TRAK1: variants seen among roughly 807,000 people sequenced by gnomAD.
The protein encoded by TRAK1 is trafficking kinesin-binding protein 1.
A neutral mutation model predicts 92.1 loss-of-function variants in TRAK1; 33 were observed. The observed-to-expected ratio is 0.36, with a 90% CI of 0.27 to 0.48. The LOEUF is 0.48. Ranked by LOEUF, TRAK1 falls within the 20% of genes least tolerant of loss-of-function variation. TRAK1 has a pLI of 0.99. For synonymous variants in TRAK1, 521 were observed against 517.3 expected, an observed-to-expected ratio of 1.01 and a Z score of -0.10; for missense variants, 1,123 against 1,257.9, an observed-to-expected ratio of 0.89 and a Z score of 1.62.
At chr3:42,160,465 T>C in intron 2 of TRAK1, 1 of 1,614,078 alleles carries the variant, frequency 6.2e-7, no homozygotes, top group Non-Finnish European at 8.5e-7. Context: ...CAGGACCTCT[T>C]GGAAGAGGGT....
rs182539988 is a variant in TRAK1, at chr3:42,081,532, T to G, written c.-518-5572T>G. On this transcript the variant is annotated intron_variant, in intron 1 of 16. Coordinates refer to the TRAK1 transcript ENST00000487159. ...TGCTTTCAAGGAGCACACAATTTTTTGGGGGAGATCAGCCCTGGACAAATG... is the reference window on the plus strand; with the variant it reads ...TGCTTTCAAGGAGCACACAATTTTTGGGGGGAGATCAGCCCTGGACAAATG... 1.9e-3 allele frequency among the ~76,000 whole-genome samples: 293 copies of G among 152,278 alleles called. 3 individuals carry two copies. The highest frequency in any genetic ancestry group is 0.011 in the South Asian group (53 of 4,822).
At position 42,202,868 on chromosome 3, in the gene TRAK1, C is replaced by A; in HGVS notation, c.1744+116C>A. On this transcript the variant is annotated intron_variant, in intron 13 of 15. Transcript: ENST00000327628. The surrounding 1 kb of genome is among the most constrained non-coding windows in gnomAD (Gnocchi z 6.1). Reference sequence around the variant, plus strand: ...ACGCCTACTCCTTTTTCTTCCGCGACAGCCACCCGCGCTGCTGGTTTGAGT... The same window carrying A: ...ACGCCTACTCCTTTTTCTTCCGCGAAAGCCACCCGCGCTGCTGGTTTGAGT... 1 of 1,482,688 alleles carries A rather than the reference C, an allele frequency of 6.7e-7. No individual in the cohort carries two copies. Among genetic ancestry groups the A allele is most frequent in the Non-Finnish European group, 9.0e-7 (1 of 1,113,990 alleles). The allele number at this position is 1,482,688 out of a possible 1,614,324, so 91.8% of individuals were successfully genotyped here.
At chr3:42,067,354 T>C (rs1382074992) in intron 1 of TRAK1, among the ~76,000 whole-genome samples, 6 of 152,348 alleles carry the variant, frequency 3.9e-5, no homozygotes, top group Middle Eastern at 3.4e-3. Context: ...GAACAAGATA[T>C]GTAGCTAAGT....
At chr3:42,191,782 G>T (rs185992474) in intron 7 of TRAK1, 146 bp downstream of exon 7, 21 of 710,128 alleles carry the variant, frequency 3.0e-5, no homozygotes, top group Middle Eastern at 3.4e-4. Flanking sequence ...CCCCAACCTT[G>T]TGTGGCACCC....
chr3:42,077,293 T>C (rs1428230069), intron 1 of TRAK1, among the ~76,000 whole-genome samples: 2 of 152,224 alleles, frequency 1.3e-5, no homozygotes, highest in Non-Finnish European at 2.9e-5. Context: ...TGTTTCTTTT[T>C]TTCTTTTTAC....
intron 2 of TRAK1, among the ~76,000 whole-genome samples, chr3:42,134,227 T>A (rs1697617843): frequency 3.8e-5 from 1 of 26,458 alleles, no homozygotes; most frequent in Non-Finnish European, 7.2e-5. Flanking sequence ...TCCTCTCCTC[T>A]CCCCTTCCCT....
chr3:42,022,583 A>C (rs888855162), intron 1 of TRAK1, among the ~76,000 whole-genome samples: 9 of 152,114 alleles, frequency 5.9e-5, no homozygotes, highest in Admixed American at 3.3e-4. Flanking sequence ...TTAGCTGGGC[A>C]TGGTGGTGTG....
chr3:42,024,767 C>T (rs184611095), intron 1 of TRAK1, among the ~76,000 whole-genome samples: 452 of 152,256 alleles, frequency 3.0e-3, no homozygotes, highest in Non-Finnish European at 4.9e-3. Context: ...TGTTACCAAG[C>T]CTGAGTTTTG....
Position 42,151,611 on chromosome 3 carries a change from G to A in TRAK1, c.287-25203G>A, listed in dbSNP as rs112054867. On this transcript the variant is annotated intron_variant, in intron 2 of 15. Transcript: ENST00000327628. ...CCATTTAAAGAGGTAGCAAAGTAGG[G>A]AATAAAGGAACAGAAGTCCAGAAAT... Among the ~76,000 whole-genome samples, 163 of 152,276 alleles carry A rather than the reference G, an allele frequency of 1.1e-3. 2 individuals carry two copies. The South Asian group carries it at 0.015, about 14-fold the overall frequency.
intron 1 of TRAK1, among the ~76,000 whole-genome samples, chr3:42,113,997 C>T (rs1293022601): frequency 2.0e-5 from 3 of 152,196 alleles, no homozygotes; most frequent in African/African-American, 7.2e-5. Context: ...TGTCCCTTTC[C>T]CTTAGCCTCT....
intron 1 of TRAK1, among the ~76,000 whole-genome samples, chr3:42,038,802 A>ATTTTTT (rs1559714995): frequency 9.4e-6 from 1 of 105,924 alleles, no homozygotes; most frequent in African/African-American, 5.1e-5. Flanking sequence ...AAAAAAAAAA[A>ATTTTTT]GTTTTTTTTT....
chr3:42,020,901 A>G (rs1488771226), intron 1 of TRAK1, among the ~76,000 whole-genome samples: 1 of 152,176 alleles, frequency 6.6e-6, no homozygotes, highest in African/African-American at 2.4e-5. Flanking sequence ...TTATAGTATC[A>G]AGGGGCATTT....
At chr3:42,156,032 G>A (rs1260762973) in intron 2 of TRAK1, among the ~76,000 whole-genome samples, 1 of 152,142 alleles carries the variant, frequency 6.6e-6, no homozygotes, top group East Asian at 1.9e-4. Context: ...CCCTGCTGTG[G>A]GTCCCAGTGT....
upstream of TRAK1, chr3:42,013,797 C>A (rs1357409980): frequency 1.3e-5 from 2 of 150,032 alleles, no homozygotes; most frequent in Non-Finnish European, 3.0e-5. The surrounding 1 kb of genome is among the most constrained non-coding windows in gnomAD (Gnocchi z 5.1). Flanking sequence ...AGCGAGGCGT[C>A]CCCCAGAGTG....
chr3:42,139,382 A>T (rs1698385225), intron 2 of TRAK1, among the ~76,000 whole-genome samples: 1 of 152,206 alleles, frequency 6.6e-6, no homozygotes, highest in Non-Finnish European at 1.5e-5. Context: ...CCTGGAGCAC[A>T]GTCACTTTCT....
chr3:42,071,734 C>T (rs1205525899), intron 1 of TRAK1, among the ~76,000 whole-genome samples: 2 of 151,668 alleles, frequency 1.3e-5, no homozygotes, highest in Non-Finnish European at 2.9e-5. Flanking sequence ...TACCCACTCT[C>T]TCTCCCCCTT....
chr3:42,087,426 G>GAGGA (rs1224625493), upstream of TRAK1: 1 of 152,908 alleles, frequency 6.5e-6, no homozygotes, highest in Non-Finnish European at 1.5e-5. Flanking sequence ...CCCTGCCAGG[G>GAGGA]AGGAAGGGAG....
upstream of TRAK1, among the ~76,000 whole-genome samples, chr3:42,083,826 T>C (rs898167019): frequency 2.0e-5 from 3 of 152,058 alleles, no homozygotes; most frequent in African/African-American, 7.2e-5. Flanking sequence ...GCTGTGATTG[T>C]GCCACTGCAC....
chr3:42,088,314 G>C (rs1704790329), upstream of TRAK1, among the ~76,000 whole-genome samples: 1 of 152,010 alleles, frequency 6.6e-6, no homozygotes, highest in Admixed American at 6.6e-5. Flanking sequence ...GTCCCAGCCT[G>C]GTGCCTAGCT....
Sources: allele counts gnomAD v4.1 joint callset (sites outside exome capture counted in the v4.1 genomes callset), GRCh38; gene constraint gnomAD v4.1.1; non-coding constraint Gnocchi (gnomAD v3.1); transcripts MANE v1.5; gene names NCBI Gene and HGNC (gene_info 2026-07-23, HGNC 2026-07-21).